The following OR2L3 variants were observed in gnomAD, a reference collection of about 807,000 sequenced individuals.
OR2L3 encodes the protein olfactory receptor family 2 subfamily L member 3.
For synonymous variants in OR2L3, 131 were observed against 139.1 expected (o/e 0.94, Z 0.41); for missense variants, 369 against 376.6 (o/e 0.98, Z 0.17).
chr1:248,059,773 G>A (rs1167069772), intron 1 of OR2L3, among the ~76,000 whole-genome samples: 2 of 152,126 alleles, frequency 1.3e-5, no homozygotes, highest in African/African-American at 2.4e-5. Context: ...GGTTGGGTGG[G>A]GAAGCTCATG....
chr1:248,059,908 C>T (rs562739999), intron 1 of OR2L3, among the ~76,000 whole-genome samples: 19 of 152,056 alleles, frequency 1.2e-4, no homozygotes, highest in African/African-American at 4.6e-4. Flanking sequence ...GGTATGGTGG[C>T]TTGTGGTCGT....
intron 1 of OR2L3, among the ~76,000 whole-genome samples, chr1:248,056,225 G>A (rs892213243): frequency 6.6e-6 from 1 of 151,828 alleles, no homozygotes; most frequent in African/African-American, 2.4e-5. Context: ...ACAACGTGCA[G>A]GTTAGTTACA....
intron 1 of OR2L3, among the ~76,000 whole-genome samples, chr1:248,058,109 C>T (rs1663499266): frequency 6.6e-6 from 1 of 151,824 alleles, no homozygotes; most frequent in Non-Finnish European, 1.5e-5. Context: ...AAAATCCCAA[C>T]TGTCACATAA....
At position 248,061,916 on chromosome 1, in the gene OR2L3, A is replaced by T. The variant is rs1663659326; in HGVS notation, c.*296A>T. On this transcript the variant is annotated 3_prime_UTR_variant, in exon 2 of 2. Transcript: ENST00000359959. ...GCAGAAATAGAAATGAAATTGGTCT[A>T]ACTGAAGTTGGCACTCAGCATAACA... The T allele has an allele frequency of 8.2e-6, 2 of 242,610 alleles. No individual in the cohort carries two copies. The highest frequency in any genetic ancestry group is 1.6e-4 in the East Asian group (2 of 12,176). The allele number at this position is 242,610 out of a possible 1,614,324, so 15.0% of individuals were successfully genotyped here.
intron 1 of OR2L3, chr1:248,051,361 A>G (rs1176817044): frequency 1.3e-5 from 2 of 152,168 alleles, no homozygotes; most frequent in South Asian, 2.1e-4. Context: ...TAAAAATTGT[A>G]TATACATACT....
chr1:248,062,414 A>G lies in OR2L3; in HGVS notation c.*794A>G, dbSNP rs1470346153. On this transcript the variant is annotated 3_prime_UTR_variant, in exon 2 of 2. Coordinates refer to ENST00000359959, the MANE Select transcript of OR2L3 (RefSeq NM_001004687.2). ...GTTTTGCCAGCACCTTATATTGAAG[A>G]CACTGTCTTTTTCCCAATGAACAGT... 1 of 151,644 alleles carries G rather than the reference A, an allele frequency of 6.6e-6. No individual in the cohort carries two copies. Among genetic ancestry groups the G allele is most frequent in the East Asian group, 1.9e-4 (1 of 5,204 alleles). 9.4% of individuals were successfully genotyped at this position (151,644 alleles called of 1,614,324 possible).
Position 248,060,763 on chromosome 1 carries a change from A to C in OR2L3, c.82A>C (p.Ile28Leu). 3.1e-6 allele frequency: 5 copies of C among 1,613,958 alleles called. No homozygotes were observed. Among genetic ancestry groups the C allele is most frequent in the Non-Finnish European group, 4.2e-6 (5 of 1,179,956 alleles). ...PPSRIGLFLF[I>L]LIVFIFLMAL... The stretch of plus-strand genomic sequence containing the variant: ...ATCAAGAATTGGCCTTTTCCTCTTC[A>C]TCCTCATTGTTTTCATTTTCCTAAT... The change falls in exon 2 of 2, where the codon ATC becomes CTC. Residue 28 changes from isoleucine (I) to leucine (L), a missense_variant. By Grantham distance (5) the Ile-to-Leu change is conservative. Transcript: ENST00000359959.
At chr1:248,059,709 A>C (rs1443789616) in intron 1 of OR2L3, among the ~76,000 whole-genome samples, 1 of 152,226 alleles carries the variant, frequency 6.6e-6, no homozygotes. Context: ...AAGTTTCTCA[A>C]AATAGCAGAG....
rs550013485 is a variant in OR2L3 at position 248,062,458 on chromosome 1, A to C, written c.*838A>C. ...GAACAGTCTTGGGTCTGTTGTCAAA[A>C]ATCAGTTGCACAGAAAGGTTTTGCT... On this transcript the variant is annotated 3_prime_UTR_variant, in exon 2 of 2. Transcript: ENST00000359959. 1.1e-4 allele frequency: 16 copies of C among 152,240 alleles called. 1 individual carries two copies. In the South Asian group the frequency reaches 1.9e-3, roughly 18 times the overall value. 9.4% of individuals were successfully genotyped at this position (152,240 alleles called of 1,614,324 possible).
In OR2L3 at chr1:248,061,119, G is replaced by A. The variant is rs545208984; in HGVS notation, c.438G>A (p.Gly146=). Residue 146 remains glycine, a synonymous_variant, in exon 2 of 2, where the codon GGG becomes GGA. Transcript: ENST00000359959. ...GAATGTGTGTGCTGATGATAACAGG[G>A]TCTTGGATCATAGGCTCGATCAATG... The part of the protein sequence containing the change: ...SKRMCVLMIT[G]SWIIGSINAC... 3.3e-5 allele frequency: 53 copies of A among 1,613,838 alleles called. 1 individual carries two copies. The highest frequency in any genetic ancestry group is 2.5e-4 in the South Asian group (23 of 91,074).
At chr1:248,049,853 A>G (rs766381632) in intron 1 of OR2L3, among the ~76,000 whole-genome samples, 42 of 152,188 alleles carry the variant, frequency 2.8e-4, no homozygotes, top group Admixed American at 2.1e-3. Context: ...AAAGGTTTAT[A>G]TTAATGTACG....
At chr1:248,049,951 G>A (rs577147826) in intron 1 of OR2L3, among the ~76,000 whole-genome samples, 1 of 152,140 alleles carries the variant, frequency 6.6e-6, no homozygotes, top group Non-Finnish European at 1.5e-5. Flanking sequence ...TGGATCTAGA[G>A]GAGTTTACTG....
chr1:248,047,940 A>T (rs1663132414), intron 1 of OR2L3, among the ~76,000 whole-genome samples: 1 of 152,208 alleles, frequency 6.6e-6, no homozygotes, highest in Admixed American at 6.5e-5. Flanking sequence ...TGTTGTAATT[A>T]TAAGATACAG....
intron 1 of OR2L3, among the ~76,000 whole-genome samples, chr1:248,057,850 A>G (rs1159972275): frequency 6.6e-6 from 1 of 152,114 alleles, no homozygotes; most frequent in Admixed American, 6.6e-5. Flanking sequence ...GCATCCTGTA[A>G]TTTTGCTAAT....
intron 1 of OR2L3, among the ~76,000 whole-genome samples, chr1:248,052,481 C>T (rs955380478): frequency 6.6e-6 from 1 of 152,078 alleles, no homozygotes; most frequent in Non-Finnish European, 1.5e-5. Context: ...GTAATCCCAG[C>T]ACTTTGGGAG....
At chr1:248,049,989 C>T (rs1296611019) in intron 1 of OR2L3, among the ~76,000 whole-genome samples, 6 of 152,088 alleles carry the variant, frequency 3.9e-5, no homozygotes, top group Admixed American at 6.5e-5. Flanking sequence ...GTTTTGTCAT[C>T]TATAAAATAT....
intron 1 of OR2L3, chr1:248,051,268 T>A (rs1663256841): frequency 6.6e-6 from 1 of 152,210 alleles, no homozygotes; most frequent in African/African-American, 2.4e-5. Flanking sequence ...AATATTTGTC[T>A]TTTTGTGACA....
intron 1 of OR2L3, among the ~76,000 whole-genome samples, chr1:248,053,303 T>C (rs562678176): frequency 5.9e-5 from 9 of 152,198 alleles, no homozygotes; most frequent in Non-Finnish European, 1.2e-4. Flanking sequence ...TTTATGGCTG[T>C]ATAGTATTCC....
chr1:248,056,646 C>G (rs1327015232), intron 1 of OR2L3, among the ~76,000 whole-genome samples: 1 of 146,996 alleles, frequency 6.8e-6, no homozygotes, highest in Non-Finnish European at 1.5e-5. Flanking sequence ...GTTCTATTTC[C>G]CTGTAGTTGT....
Sources: gnomAD v4.1 joint callset for allele counts (sites outside exome capture counted in the v4.1 genomes callset) on GRCh38, gnomAD v4.1.1 for gene constraint, MANE v1.5 for transcripts, NCBI Gene and HGNC (gene_info 2026-07-23, HGNC 2026-07-21) for gene names.